ARHGAP15: variants seen among roughly 807,000 people sequenced by gnomAD.
ARHGAP15 encodes the protein Rho GTPase activating protein 15.
In ARHGAP15, 51 loss-of-function variants were observed where a neutral mutation model predicts 63.7. The observed-to-expected ratio is 0.80, with a 90% confidence interval of 0.64 to 1.01. ARHGAP15 has a LOEUF of 1.01. Ranked by LOEUF, ARHGAP15 falls within the 50% of genes least tolerant of loss-of-function variation. The pLI is 0.00. For missense variants in ARHGAP15, 560 were observed against 564.6 expected (o/e 0.99, Z 0.08); for synonymous variants, 191 against 193.8 (o/e 0.99, Z 0.12).
rs562404435 is a variant in ARHGAP15 at position 143,417,113 on chromosome 2, T to C, written c.475-18488T>C. Among the ~76,000 whole-genome samples the C allele has an allele frequency of 3.9e-5, 6 of 152,142 alleles. No homozygotes were observed. In the East Asian group the frequency reaches 1.2e-3, roughly 29 times the overall value. On this transcript the variant is annotated intron_variant, in intron 6 of 13. Transcript: ENST00000295095. ...TTGGTCTAAGAGGTATTGGAGAATG[T>C]AGTGCCTGAGTAAGCAGAAAGATTC...
chr2:143,269,357 C>G (rs760816895), intron 6 of ARHGAP15, among the ~76,000 whole-genome samples: 2 of 152,122 alleles, frequency 1.3e-5, no homozygotes, highest in African/African-American at 2.4e-5. Flanking sequence ...ATGAGTCTTA[C>G]GGAAGTCATG....
intron 6 of ARHGAP15, among the ~76,000 whole-genome samples, chr2:143,325,871 G>T (rs1684227758): frequency 6.6e-6 from 1 of 152,070 alleles, no homozygotes; most frequent in African/African-American, 2.4e-5. Flanking sequence ...TTATATGCCA[G>T]AAATAATCAC....
chr2:143,621,172 A>G (rs899180261), intron 11 of ARHGAP15, among the ~76,000 whole-genome samples: 12 of 152,196 alleles, frequency 7.9e-5, no homozygotes, highest in African/African-American at 2.9e-4. Flanking sequence ...GGATACTGCT[A>G]AACATACTAG....
At chr2:143,616,690 C>T (rs572558244) in intron 11 of ARHGAP15, among the ~76,000 whole-genome samples, 1 of 152,136 alleles carries the variant, frequency 6.6e-6, no homozygotes, top group East Asian at 1.9e-4. Context: ...GTAATAGAAC[C>T]ATCTATTCTA....
intron 8 of ARHGAP15, among the ~76,000 whole-genome samples, chr2:143,472,834 CAGATGAGG>C (rs1203645738): frequency 2.0e-5 from 3 of 152,130 alleles, no homozygotes; most frequent in Non-Finnish European, 4.4e-5. Flanking sequence ...CCTTATTATG[CAGATGAGG>C]AGACTGGGCT....
At chr2:143,368,196 C>T (rs4662323) in intron 6 of ARHGAP15, among the ~76,000 whole-genome samples, 97,583 of 151,974 alleles carry the variant, frequency 0.64, 32,189 homozygotes, top group African/African-American at 0.8. Context: ...ACCAAATAAA[C>T]TACAGTGCAA....
At chr2:143,242,712 A>C (rs951604263) in intron 5 of ARHGAP15, among the ~76,000 whole-genome samples, 4 of 152,182 alleles carry the variant, frequency 2.6e-5, no homozygotes, top group Non-Finnish European at 5.9e-5. Flanking sequence ...CATAAAACCC[A>C]CATCTTATAA....
At chr2:143,224,862 C>T (rs541010759) in intron 4 of ARHGAP15, among the ~76,000 whole-genome samples, 13 of 152,188 alleles carry the variant, frequency 8.5e-5, no homozygotes, top group Non-Finnish European at 1.5e-4. Context: ...ACATGGCAGC[C>T]ATAAAAAAAG....
chr2:143,284,794 A>G (rs1201782565), intron 6 of ARHGAP15, among the ~76,000 whole-genome samples: 2 of 152,208 alleles, frequency 1.3e-5, no homozygotes, highest in Non-Finnish European at 2.9e-5. Flanking sequence ...GTCTCTTTTA[A>G]AATAAGCCTC....
chr2:143,407,245 ATCTC>A (rs930507224), intron 6 of ARHGAP15, among the ~76,000 whole-genome samples: 16 of 151,698 alleles, frequency 1.1e-4, no homozygotes, highest in Non-Finnish European at 1.9e-4. Flanking sequence ...ATTGATAGAT[ATCTC>A]TCTCTCTCTT....
chr2:143,136,841 C>T (rs1689161952), intron 1 of ARHGAP15, among the ~76,000 whole-genome samples: 1 of 151,936 alleles, frequency 6.6e-6, no homozygotes, highest in Non-Finnish European at 1.5e-5. Context: ...ATCTTAGGCT[C>T]TTATTGAATA....
chr2:143,519,538 G>A lies in ARHGAP15; in HGVS notation c.925+174G>A, dbSNP rs558051415. The stretch of plus-strand genomic sequence containing the variant: ...TTAACTTCAGTTTGTTTTTACAATA[G>A]GGACATTAGTAATTCTCACTAATGT... On this transcript the variant is annotated intron_variant, in intron 10 of 13. Coordinates refer to ENST00000295095, the MANE Select transcript of ARHGAP15 (RefSeq NM_018460.4). The A allele has an allele frequency of 1.0e-5, 5 of 487,630 alleles. No individual in the cohort carries two copies. In the East Asian group the frequency reaches 1.5e-4, roughly 15 times the overall value. The allele number at this position is 487,630 out of a possible 1,614,324, so 30.2% of individuals were successfully genotyped here.
chr2:143,233,176 T>A (rs546724080), intron 5 of ARHGAP15, among the ~76,000 whole-genome samples: 1 of 152,162 alleles, frequency 6.6e-6, no homozygotes, highest in Non-Finnish European at 1.5e-5. Context: ...TGCCTAATAT[T>A]TGCCACATTC....
chr2:143,324,892 A>G (rs1684184155), intron 6 of ARHGAP15, among the ~76,000 whole-genome samples: 1 of 152,200 alleles, frequency 6.6e-6, no homozygotes, highest in Non-Finnish European at 1.5e-5. Flanking sequence ...GCCCGTGAAC[A>G]GCTTTTGTTT....
At chr2:143,447,906 G>A (rs1384852849) in intron 8 of ARHGAP15, among the ~76,000 whole-genome samples, 1 of 152,154 alleles carries the variant, frequency 6.6e-6, no homozygotes, top group Non-Finnish European at 1.5e-5. Flanking sequence ...TTTGGTTTGG[G>A]TTCCTCCAGA....
At chr2:143,615,512 C>G (rs1276617649) in intron 11 of ARHGAP15, among the ~76,000 whole-genome samples, 1 of 152,170 alleles carries the variant, frequency 6.6e-6, no homozygotes, top group African/African-American at 2.4e-5. Context: ...TCACTTAAAT[C>G]TCACACAAAA....
chr2:143,728,207 G>T (rs774097396), intron 13 of ARHGAP15, among the ~76,000 whole-genome samples: 37 of 152,172 alleles, frequency 2.4e-4, no homozygotes, highest in Non-Finnish European at 3.7e-4. Flanking sequence ...CCACCTTCTT[G>T]CTGTTTTACC....
chr2:143,747,210 C>T (rs1005016626), intron 13 of ARHGAP15, among the ~76,000 whole-genome samples: 3 of 151,700 alleles, frequency 2.0e-5, no homozygotes, highest in African/African-American at 7.3e-5. Context: ...AACAAACCTG[C>T]ACGCTCAGCA....
intron 10 of ARHGAP15, among the ~76,000 whole-genome samples, chr2:143,538,501 A>G (rs1270028305): frequency 6.6e-6 from 1 of 152,184 alleles, no homozygotes; most frequent in Non-Finnish European, 1.5e-5. Flanking sequence ...ACTCAGTATG[A>G]TATTGGCTGT....
Sources: allele counts gnomAD v4.1 joint callset (sites outside exome capture counted in the v4.1 genomes callset), GRCh38; gene constraint gnomAD v4.1.1; transcripts MANE v1.5; gene names NCBI Gene and HGNC (gene_info 2026-07-23, HGNC 2026-07-21).